SLC6A11: variants seen among roughly 807,000 people sequenced by gnomAD.
The protein encoded by SLC6A11 is sodium- and chloride-dependent GABA transporter 3.
SLC6A11 carries 25 observed loss-of-function variants against 74.8 expected under a neutral mutation model. That is an observed-to-expected ratio of 0.33 (90% CI 0.24 to 0.47). SLC6A11 has a LOEUF of 0.47. Among genes scored for constraint, SLC6A11 ranks in the 20% least tolerant of loss-of-function variants. The probability of loss-of-function intolerance (pLI) is 1.00; values close to 1 mark genes in which losing one functional copy is unlikely to be tolerated. For missense variants in SLC6A11, 574 were observed against 837.0 expected (o/e 0.69, Z 3.88); for synonymous variants, 330 against 330.2 (o/e 1.00, Z 0.01).
At position 10,822,168 on chromosome 3, in the gene SLC6A11, G is replaced by A. The variant is rs546617303; in HGVS notation, c.533-1134G>A. On this transcript the variant is annotated intron_variant, in intron 3 of 13. Coordinates refer to ENST00000254488, the MANE Select transcript of SLC6A11 (RefSeq NM_014229.3). Reference sequence around the variant, plus strand: ...GTGATTCCTGCCTGCAGAGATTACAGATGTGGTTTGGAGCATTCATACATA... The same window carrying A: ...GTGATTCCTGCCTGCAGAGATTACAAATGTGGTTTGGAGCATTCATACATA... 6.6e-5 allele frequency among the ~76,000 whole-genome samples: 10 copies of A among 152,380 alleles called. 1 individual carries two copies. The highest frequency in any genetic ancestry group is 2.4e-4 in the African/African-American group (10 of 41,594).
At chr3:10,870,964 A>G (rs1189601545) in intron 5 of SLC6A11, among the ~76,000 whole-genome samples, 4 of 152,198 alleles carry the variant, frequency 2.6e-5, no homozygotes, top group African/African-American at 9.6e-5. Context: ...TTATGGTTTT[A>G]TAAAAGAAGT....
chr3:10,895,783 TC>T (rs1053228797), intron 6 of SLC6A11, among the ~76,000 whole-genome samples: 12 of 150,700 alleles, frequency 8.0e-5, no homozygotes, highest in African/African-American at 2.9e-4. Flanking sequence ...GCGTGGCTTC[TC>T]AAAGGTCGAG....
chr3:10,911,323 G>A (rs916139206), intron 6 of SLC6A11, among the ~76,000 whole-genome samples: 1 of 152,206 alleles, frequency 6.6e-6, no homozygotes, highest in African/African-American at 2.4e-5. Context: ...ACTTCTAGGG[G>A]CTGGGCTCAA....
intron 4 of SLC6A11, 21 bp downstream of exon 4, chr3:10,823,413 C>G (rs767511990): frequency 4.6e-6 from 7 of 1,523,742 alleles, no homozygotes; most frequent in Non-Finnish European, 6.4e-6. Flanking sequence ...AAGAACTTGT[C>G]TCCCTTGGCC....
intron 1 of SLC6A11, among the ~76,000 whole-genome samples, chr3:10,817,531 G>A (rs1168821286): frequency 2.0e-5 from 3 of 152,174 alleles, no homozygotes; most frequent in African/African-American, 7.2e-5. Flanking sequence ...ACAATTTCTC[G>A]AAGGAAGAGC....
chr3:10,878,093 G>T (rs1270012075), intron 6 of SLC6A11, among the ~76,000 whole-genome samples: 2 of 152,172 alleles, frequency 1.3e-5, no homozygotes, highest in South Asian at 4.1e-4. Context: ...GCAACAGAGG[G>T]ATCTTTTTGA....
chr3:10,873,384 T>TTTATCCTATCCTATCCTATCCTATC lies in SLC6A11; in HGVS notation c.757-1577_757-1576insTTATCCTATCCTATCCTATCCTATC, dbSNP rs1553671098. Among the ~76,000 whole-genome samples the TTTATCCTATCCTATCCTATCCTATC allele has an allele frequency of 2.2e-5, 2 of 90,552 alleles. 1 individual carries two copies. The highest frequency in any genetic ancestry group is 4.6e-5 in the Non-Finnish European group (2 of 43,824). The allele number at this position is 90,552 out of a possible 152,430, so 59.4% of individuals were successfully genotyped here. A position where few individuals can be genotyped will look rare whatever the true frequency, so the allele number is the denominator to read the frequency against. On this transcript the variant is annotated intron_variant, in intron 5 of 13. Transcript: ENST00000254488. ...CCTCCCCTATGCTCACCTTCATTAT[T>TTTATCCTATCCTATCCTATCCTATC]GTATCCTATCCTATGCTATCCTATC...
rs1694744312 is a variant in SLC6A11, at chr3:10,864,799, C to T, written c.757-10162C>T. On this transcript the variant is annotated intron_variant, in intron 5 of 13. Coordinates refer to ENST00000254488, the MANE Select transcript of SLC6A11 (RefSeq NM_014229.3). ...GATTCCCTCTGTCCTTCATTTGAGT[C>T]TGGCTGCTGCAGCTCCTCCAAACAG... Among the ~76,000 whole-genome samples, 3 of 152,212 alleles carry T rather than the reference C, an allele frequency of 2.0e-5. No individual in the cohort carries two copies. In the South Asian group the frequency reaches 6.2e-4, roughly 31 times the overall value.
At chr3:10,909,743 C>A (rs748783840) in intron 6 of SLC6A11, among the ~76,000 whole-genome samples, 15 of 152,168 alleles carry the variant, frequency 9.9e-5, no homozygotes, top group Non-Finnish European at 2.1e-4. Context: ...CTTTTTGCTT[C>A]GCCATGTGGC....
chr3:10,851,804 C>A (rs895038571), intron 5 of SLC6A11, among the ~76,000 whole-genome samples: 24 of 152,190 alleles, frequency 1.6e-4, no homozygotes, highest in Admixed American at 9.8e-4. Context: ...GGGCAGGGGG[C>A]AGTTTTTGCA....
intron 5 of SLC6A11, among the ~76,000 whole-genome samples, chr3:10,852,078 AAG>A (rs1264424760): frequency 6.6e-6 from 1 of 152,256 alleles, no homozygotes; most frequent in African/African-American, 2.4e-5. Context: ...GGATGTGTGA[AAG>A]AGCAGAGGAC....
chr3:10,880,194 G>A (rs570363691), intron 6 of SLC6A11, among the ~76,000 whole-genome samples: 1 of 152,310 alleles, frequency 6.6e-6, no homozygotes, highest in South Asian at 2.1e-4. Flanking sequence ...GGGTCGACTG[G>A]AAGTATTTTA....
At chr3:10,850,195 T>C (rs1298849460) in intron 5 of SLC6A11, among the ~76,000 whole-genome samples, 7 of 152,208 alleles carry the variant, frequency 4.6e-5, no homozygotes, top group Non-Finnish European at 1.0e-4. Flanking sequence ...TCACCCAAAG[T>C]ATGAGCTATT....
At chr3:10,836,823 C>G (rs1694373517) in intron 4 of SLC6A11, among the ~76,000 whole-genome samples, 1 of 152,242 alleles carries the variant, frequency 6.6e-6, no homozygotes, top group African/African-American at 2.4e-5. Flanking sequence ...GGTCAGCAAA[C>G]TACTGGCCAA....
At chr3:10,835,748 G>C (rs928939084) in intron 4 of SLC6A11, among the ~76,000 whole-genome samples, 2 of 152,180 alleles carry the variant, frequency 1.3e-5, no homozygotes, top group Non-Finnish European at 2.9e-5. Context: ...TGGTGTACAA[G>C]ATAACTACAC....
chr3:10,912,287 G>T, intron 7 of SLC6A11, 94 bp downstream of exon 7: 1 of 863,266 alleles, frequency 1.2e-6, no homozygotes, highest in Admixed American at 1.8e-5. Flanking sequence ...CCACCTTGCA[G>T]GGCCCCAGGA....
chr3:10,839,588 G>T (rs1694411361), intron 4 of SLC6A11, among the ~76,000 whole-genome samples: 1 of 152,188 alleles, frequency 6.6e-6, no homozygotes, highest in Non-Finnish European at 1.5e-5. Context: ...TGTTGGGGTT[G>T]TGGGGGCTTG....
intron 6 of SLC6A11, among the ~76,000 whole-genome samples, chr3:10,879,633 G>T (rs1694950990): frequency 6.6e-6 from 1 of 152,070 alleles, no homozygotes; most frequent in Non-Finnish European, 1.5e-5. Flanking sequence ...TTTTTCTTTT[G>T]AATTATGTAT....
chr3:10,916,365 C>T (rs1695454174), intron 7 of SLC6A11, among the ~76,000 whole-genome samples: 1 of 152,134 alleles, frequency 6.6e-6, no homozygotes, highest in Non-Finnish European at 1.5e-5. Flanking sequence ...AACAAACAAC[C>T]CCAGCACACA....
Sources: allele counts gnomAD v4.1 joint callset (sites outside exome capture counted in the v4.1 genomes callset), GRCh38; gene constraint gnomAD v4.1.1; transcripts MANE v1.5; gene names NCBI Gene and HGNC (gene_info 2026-07-23, HGNC 2026-07-21).